The following CCDC7 variants were observed in gnomAD, a reference collection of about 807,000 sequenced individuals.
The protein encoded by CCDC7 is coiled-coil domain-containing protein 7.
Under a neutral mutation model 196.9 loss-of-function variants are expected in CCDC7, and 183 were observed. The ratio of observed to expected loss-of-function variants is 0.93; its 90% confidence interval spans 0.82 to 1.05. CCDC7 has a LOEUF of 1.05. CCDC7 is among the 50% of genes least tolerant of loss of function. The pLI, the probability that CCDC7 is intolerant of heterozygous loss-of-function variation, is 0.00. For synonymous variants in CCDC7, 525 were observed against 484.6 expected, an observed-to-expected ratio of 1.08 and a Z score of -1.10; for missense variants, 1,540 against 1,482.2, an observed-to-expected ratio of 1.04 and a Z score of -0.64.
intron 29 of CCDC7, among the ~76,000 whole-genome samples, chr10:32,800,697 A>T (rs1176416938): frequency 6.6e-6 from 1 of 152,154 alleles, no homozygotes; most frequent in Non-Finnish European, 1.5e-5. Flanking sequence ...AACTGTTGGT[A>T]GTGTAGTGGG....
chr10:32,844,290 A>T (rs927295015), intron 33 of CCDC7, among the ~76,000 whole-genome samples: 11 of 152,010 alleles, frequency 7.2e-5, no homozygotes, highest in African/African-American at 2.7e-4. Flanking sequence ...TTATGCTACT[A>T]CAAGTTTACT....
intron 8 of CCDC7, among the ~76,000 whole-genome samples, chr10:32,482,012 C>T (rs529872088): frequency 8.6e-5 from 13 of 151,938 alleles, no homozygotes; most frequent in South Asian, 2.1e-4. Flanking sequence ...TGTTTGGAGA[C>T]GTTTTATCTT....
At chr10:32,714,202 G>A (rs577086835) in intron 25 of CCDC7, among the ~76,000 whole-genome samples, 3 of 152,236 alleles carry the variant, frequency 2.0e-5, no homozygotes, top group South Asian at 2.1e-4. Flanking sequence ...TGAGGTACTC[G>A]GTTCGTCTCA....
At chr10:32,499,572 G>A (rs1043345778) in intron 9 of CCDC7, among the ~76,000 whole-genome samples, 2 of 151,652 alleles carry the variant, frequency 1.3e-5, no homozygotes, top group Non-Finnish European at 2.9e-5. Flanking sequence ...GAAAGAGGGA[G>A]CCCTAATGTT....
At chr10:32,488,116 G>C (rs1247850102) in intron 8 of CCDC7, among the ~76,000 whole-genome samples, 1 of 152,216 alleles carries the variant, frequency 6.6e-6, no homozygotes, top group Non-Finnish European at 1.5e-5. Flanking sequence ...GCCTCCTTGA[G>C]CTGTGGTTGG....
chr10:32,555,115 T>G (rs956146078), intron 13 of CCDC7, among the ~76,000 whole-genome samples: 1 of 152,252 alleles, frequency 6.6e-6, no homozygotes, highest in Non-Finnish European at 1.5e-5. Context: ...CTTACATTGC[T>G]TCTAAATCTT....
At chr10:32,697,629 T>A (rs1450858781) in intron 24 of CCDC7, among the ~76,000 whole-genome samples, 1 of 152,052 alleles carries the variant, frequency 6.6e-6, no homozygotes, top group Non-Finnish European at 1.5e-5. Context: ...GGGAGGGGCA[T>A]CTGCCATTGC....
At chr10:32,746,259 C>T (rs10827119) in intron 28 of CCDC7, among the ~76,000 whole-genome samples, 21,055 of 152,020 alleles carry the variant, frequency 0.14, 1,762 homozygotes, top group East Asian at 0.25. Context: ...ATTCTTGGTC[C>T]CCAGAAATTT....
chr10:32,666,770 T>C (rs1004750645), intron 21 of CCDC7, among the ~76,000 whole-genome samples: 1 of 152,166 alleles, frequency 6.6e-6, no homozygotes, highest in Non-Finnish European at 1.5e-5. Context: ...TAATTCAGTC[T>C]ATCATTGTTG....
chr10:32,639,768 A>G (rs2066371397), intron 20 of CCDC7, among the ~76,000 whole-genome samples: 1 of 151,852 alleles, frequency 6.6e-6, no homozygotes, highest in Non-Finnish European at 1.5e-5. Flanking sequence ...AGCTGGGACT[A>G]CAGGTGCCCG....
At chr10:32,454,633 G>C (rs780803973) in intron 2 of CCDC7, among the ~76,000 whole-genome samples, 38 of 151,670 alleles carry the variant, frequency 2.5e-4, no homozygotes, top group Non-Finnish European at 4.1e-4. Context: ...ACTTTCCTGT[G>C]GTCTCCAATA....
intron 18 of CCDC7, among the ~76,000 whole-genome samples, chr10:32,590,240 T>C (rs966927448): frequency 1.4e-4 from 22 of 152,148 alleles, no homozygotes; most frequent in Admixed American, 1.4e-3. Flanking sequence ...TATATATTTT[T>C]AGATTTGAGG....
intron 2 of CCDC7, 89 bp downstream of exon 3, chr10:32,453,525 T>C: frequency 2.2e-6 from 2 of 889,320 alleles, no homozygotes; most frequent in Non-Finnish European, 3.0e-6. Flanking sequence ...TATTTTCTTT[T>C]GGAGTACTTA....
Position 32,875,833 on chromosome 10 carries a change from T to C in CCDC7, c.4112-514T>C, listed in dbSNP as rs2094581681. Among the ~76,000 whole-genome samples the C allele has an allele frequency of 2.0e-5, 3 of 152,042 alleles. No individual in the cohort carries two copies. In the South Asian group the frequency reaches 6.2e-4, roughly 31 times the overall value. The stretch of plus-strand genomic sequence containing the variant: ...AGTTAATTTTGTTGTGGTTTACAAA[T>C]TGGCCTCTCATTTAAAACTGACTGA... On this transcript the variant is annotated intron_variant, in intron 41 of 41. Transcript: ENST00000639629.
intron 19 of CCDC7, 46 bp from the exon 21 acceptor site, chr10:32,635,011 C>G: frequency 2.5e-6 from 1 of 397,716 alleles, no homozygotes; most frequent in Admixed American, 4.4e-5. Context: ...TTGCTGATTA[C>G]TTGACATATA....
At chr10:32,514,598 G>T (rs923911172) in intron 9 of CCDC7, 13 of 152,012 alleles carry the variant, frequency 8.6e-5, no homozygotes, top group African/African-American at 2.9e-4. Context: ...CCCATATGTG[G>T]TCTTTTATTA....
intron 21 of CCDC7, among the ~76,000 whole-genome samples, chr10:32,670,225 C>G (rs1475275094): frequency 4.6e-5 from 7 of 152,062 alleles, no homozygotes; most frequent in South Asian, 4.1e-4. Flanking sequence ...TAGTCCTTGT[C>G]TGTTGAGGCT....
intron 15 of CCDC7, among the ~76,000 whole-genome samples, chr10:32,570,452 A>G (rs563425559): frequency 3.3e-5 from 5 of 152,328 alleles, no homozygotes; most frequent in African/African-American, 9.6e-5. Flanking sequence ...TGTGACTATT[A>G]TGACATATAG....
At chr10:32,654,700 A>C (rs1195720045) in intron 20 of CCDC7, among the ~76,000 whole-genome samples, 3 of 152,114 alleles carry the variant, frequency 2.0e-5, no homozygotes, top group Non-Finnish European at 2.9e-5. Context: ...TGAGGTAAGA[A>C]GTTTGTAACT....
Sources: allele counts gnomAD v4.1 joint callset (sites outside exome capture counted in the v4.1 genomes callset), GRCh38; gene constraint gnomAD v4.1.1; transcripts MANE v1.5; gene names NCBI Gene and HGNC (gene_info 2026-07-23, HGNC 2026-07-21).